Variants in TENM1 observed in about 807,000 individuals in gnomAD.
TENM1 encodes teneurin-1.
TENM1 carries 35 observed loss-of-function variants against 174.8 expected under a neutral mutation model. The ratio of observed to expected loss-of-function variants is 0.20; its 90% confidence interval spans 0.15 to 0.27. TENM1 has a LOEUF of 0.27. Among genes scored for constraint, TENM1 ranks in the 10% least tolerant of loss-of-function variants. The pLI, the probability that TENM1 is intolerant of heterozygous loss-of-function variation, is 1.00. For missense variants in TENM1, 1,633 were observed against 2,130.1 expected (o/e 0.77, Z 4.59); for synonymous variants, 781 against 798.7 (o/e 0.98, Z 0.37).
At chrX:124,998,108 AG>A in the TENM1 span, among the ~76,000 whole-genome samples, 3 of 106,933 alleles carry the variant, frequency 2.8e-5, no homozygotes, top group African/African-American at 1.0e-4. Context: ...AAAAAAAAAA[AG>A]GATTTCCCAC....
intron 3 of TENM1, among the ~76,000 whole-genome samples, chrX:124,770,003 G>A (rs1028093809): frequency 1.3e-4 from 14 of 111,789 alleles, no homozygotes; most frequent in African/African-American, 3.9e-4. Context: ...TACAGATATC[G>A]AAGTCCAGAT....
Position 124,420,723 on chromosome X carries a change from G to A in TENM1, c.4570C>T (p.Arg1524Ter), listed in dbSNP as rs759635160. 1 of 1,211,058 alleles carries A rather than the reference G, an allele frequency of 8.3e-7. No homozygotes were observed. Among genetic ancestry groups the A allele is most frequent in the Non-Finnish European group, 1.1e-6 (1 of 895,131 alleles). Residue 1524 changes from arginine (R) to a stop codon, truncating the protein, a stop_gained, in exon 25 of 32, where the codon CGA becomes TGA. Coordinates refer to ENST00000422452, the Ensembl canonical transcript of TENM1. LOFTEE classifies it high-confidence loss of function. ...TGGTTCCTGCTGATGGTACGAATTC[G>A]AACATTTCCGAGGTCTGCCACATAG...
chrX:125,118,412 A>C, the TENM1 span, among the ~76,000 whole-genome samples: 1 of 112,186 alleles, frequency 8.9e-6, no homozygotes, highest in Non-Finnish European at 1.9e-5. Flanking sequence ...TGTTAAAGAA[A>C]AAAAAGTTAA....
intron 1 of TENM1, among the ~76,000 whole-genome samples, chrX:124,912,428 G>C (rs978364321): frequency 1.8e-5 from 2 of 110,776 alleles, no homozygotes; most frequent in Non-Finnish European, 3.8e-5. Context: ...CCTGAGAGAG[G>C]GGATAAGGAG....
chrX:125,091,669 T>C, the TENM1 span, among the ~76,000 whole-genome samples: 1 of 110,739 alleles, frequency 9.0e-6, no homozygotes, highest in Non-Finnish European at 1.9e-5. Flanking sequence ...AGATCCCAAT[T>C]TATCAGCTAG....
intron 1 of TENM1, among the ~76,000 whole-genome samples, chrX:124,900,308 CT>C (rs1030210839): frequency 3.6e-5 from 4 of 111,767 alleles, no homozygotes; most frequent in African/African-American, 1.3e-4. Flanking sequence ...ATATGGTATG[CT>C]TCCATTTATA....
chrX:124,523,986 T>C (rs1453381259), intron 16 of TENM1, among the ~76,000 whole-genome samples: 1 of 108,129 alleles, frequency 9.2e-6, no homozygotes, highest in Non-Finnish European at 1.9e-5. Flanking sequence ...GCGATTCTCC[T>C]GTCTCAGCCT....
chrX:125,013,857 A>C, the TENM1 span, among the ~76,000 whole-genome samples: 1 of 112,094 alleles, frequency 8.9e-6, no homozygotes, highest in Non-Finnish European at 1.9e-5. Context: ...CAGCAAGCTT[A>C]ATCCACAAGT....
the TENM1 span, among the ~76,000 whole-genome samples, chrX:125,042,856 C>T: frequency 9.0e-6 from 1 of 111,058 alleles, no homozygotes; most frequent in South Asian, 3.8e-4. Context: ...AAAATTTTTA[C>T]AATATCTGGA....
At chrX:124,839,764 A>G (rs1477665422) in intron 3 of TENM1, among the ~76,000 whole-genome samples, 1 of 112,302 alleles carries the variant, frequency 8.9e-6, no homozygotes, top group Non-Finnish European at 1.9e-5. Context: ...TGAACCAAAA[A>G]AAAGTTATTT....
At chrX:124,667,824 C>T (rs950589789) in intron 6 of TENM1, among the ~76,000 whole-genome samples, 3 of 109,767 alleles carry the variant, frequency 2.7e-5, no homozygotes, top group Non-Finnish European at 5.7e-5. Context: ...ATTTGGATAA[C>T]TAAGTGGTGA....
At chrX:124,608,321 T>G (rs1455244212) in intron 11 of TENM1, among the ~76,000 whole-genome samples, 3 of 111,599 alleles carry the variant, frequency 2.7e-5, no homozygotes, top group African/African-American at 9.8e-5. Flanking sequence ...CCATGTTCAT[T>G]ATCTCTGAAC....
At chrX:125,128,440 C>T in the TENM1 span, among the ~76,000 whole-genome samples, 1 of 111,860 alleles carries the variant, frequency 8.9e-6, no homozygotes, top group Non-Finnish European at 1.9e-5. Context: ...GCTAATGCTA[C>T]ACTAATAACT....
chrX:124,662,886 A>G (rs993974625), intron 6 of TENM1, among the ~76,000 whole-genome samples: 41 of 111,961 alleles, frequency 3.7e-4, no homozygotes, highest in African/African-American at 1.2e-3. Context: ...CAGCTCTCCT[A>G]TGTAACGGGA....
At chrX:125,189,528 G>C in the TENM1 span, among the ~76,000 whole-genome samples, 1 of 112,000 alleles carries the variant, frequency 8.9e-6, no homozygotes, top group Non-Finnish European at 1.9e-5. Context: ...CCTGCAAGCA[G>C]AGCCCTATGT....
chrX:124,812,879 A>G, intron 3 of TENM1, among the ~76,000 whole-genome samples: 1 of 111,356 alleles, frequency 9.0e-6, no homozygotes. Flanking sequence ...AATTCTTAAA[A>G]ATAGAACTTT....
chrX:124,992,177 G>A, the TENM1 span, among the ~76,000 whole-genome samples: 16 of 110,977 alleles, frequency 1.4e-4, no homozygotes, highest in East Asian at 4.0e-3. Context: ...TTTACTGCTG[G>A]GCTTCCTTGA....
intron 1 of TENM1, among the ~76,000 whole-genome samples, chrX:124,944,987 A>G (rs1029712941): frequency 3.6e-5 from 4 of 110,959 alleles, no homozygotes; most frequent in African/African-American, 1.3e-4. Context: ...ACTCTAAAAA[A>G]TGTCCCAGTT....
chrX:125,112,619 A>T, the TENM1 span, among the ~76,000 whole-genome samples: 1 of 111,638 alleles, frequency 9.0e-6, no homozygotes, highest in Non-Finnish European at 1.9e-5. Context: ...GAAATTTCAG[A>T]TCAGAAGGCT....
Sources: allele counts gnomAD v4.1 joint callset (sites outside exome capture counted in the v4.1 genomes callset), GRCh38; gene constraint gnomAD v4.1.1; transcripts MANE v1.5; gene names NCBI Gene and HGNC (gene_info 2026-07-23, HGNC 2026-07-21).